RASA2: variants seen among roughly 807,000 people sequenced by gnomAD.
The protein encoded by RASA2 is ras GTPase-activating protein 2.
RASA2 carries 155 observed loss-of-function variants against 118.2 expected under a neutral mutation model. The ratio of observed to expected loss-of-function variants is 1.31; its 90% confidence interval spans 1.15 to 1.50. RASA2 has a LOEUF of 1.50. Ranked by LOEUF, RASA2 falls within the 40% of genes most tolerant of loss-of-function variation. The pLI, the probability that RASA2 is intolerant of heterozygous loss-of-function variation, is 0.00. For missense variants in RASA2, 1,016 were observed against 1,009.6 expected, an observed-to-expected ratio of 1.01 and a Z score of -0.09; for synonymous variants, 353 against 349.1, an observed-to-expected ratio of 1.01 and a Z score of -0.12.
chr3:141,609,395 C>T, intron 21 of RASA2, 25 bp from the exon 22 acceptor site: 1 of 1,387,258 alleles, frequency 7.2e-7, no homozygotes, highest in Non-Finnish European at 9.8e-7. Flanking sequence ...TGTATAATAT[C>T]TTTATTTTTT....
At chr3:141,550,142 C>A (rs1237602176) in intron 5 of RASA2, among the ~76,000 whole-genome samples, 1 of 151,982 alleles carries the variant, frequency 6.6e-6, no homozygotes, top group Non-Finnish European at 1.5e-5. Flanking sequence ...GGGGACAATT[C>A]AAAAAATCAT....
chr3:141,609,467 C>G lies in RASA2; in HGVS notation c.2273C>G (p.Thr758Arg), dbSNP rs1560068253. Residue 758 changes from threonine to arginine, a missense_variant, in exon 22 of 24, where the codon ACA (threonine) becomes AGA (arginine). By Grantham distance (71) the Thr-to-Arg change is moderately conservative. Transcript: ENST00000286364. The stretch of plus-strand genomic sequence containing the variant: ...ATAGATATTGATGAAGACAGAGAAA[C>G]AGAAAGAATTTATTCCCTTTTTACC... ...IQIDIDEDRE[T>R]ERIYSLFTLS... The G allele has an allele frequency of 6.2e-7, 1 of 1,605,290 alleles. No individual in the cohort carries two copies.
chr3:141,594,896 A>G (rs1173463338), intron 19 of RASA2, among the ~76,000 whole-genome samples: 1 of 151,898 alleles, frequency 6.6e-6, no homozygotes, highest in Middle Eastern at 3.2e-3. Flanking sequence ...CCATTTCTTT[A>G]AAAAGCAACT....
At chr3:141,507,548 A>G (rs1420323221) in intron 1 of RASA2, among the ~76,000 whole-genome samples, 2 of 152,196 alleles carry the variant, frequency 1.3e-5, no homozygotes. Context: ...TGCCATGATC[A>G]GGAGTCTACT....
intron 2 of RASA2, 91 bp from the exon 3 acceptor site, chr3:141,516,233 ATTAT>A (rs1189569252): frequency 3.9e-5 from 32 of 825,254 alleles, no homozygotes; most frequent in African/African-American, 3.3e-4. Flanking sequence ...AGAAAGTGAT[ATTAT>A]TTGAGTATTT....
chr3:141,606,278 T>A (rs542879021), intron 19 of RASA2, among the ~76,000 whole-genome samples: 51 of 152,254 alleles, frequency 3.3e-4, no homozygotes, highest in African/African-American at 1.2e-3. Context: ...ATAAATATAA[T>A]CTCGTCTGAT....
At chr3:141,591,834 T>C (rs1257668769) in intron 19 of RASA2, among the ~76,000 whole-genome samples, 1 of 151,946 alleles carries the variant, frequency 6.6e-6, no homozygotes, top group Non-Finnish European at 1.5e-5. Context: ...TACACTGAAG[T>C]TGACACGGTT....
intron 5 of RASA2, among the ~76,000 whole-genome samples, chr3:141,547,089 T>A (rs575918626): frequency 1.3e-4 from 20 of 152,352 alleles, no homozygotes; most frequent in African/African-American, 4.8e-4. Context: ...AATGCTGTTT[T>A]GATTATTATA....
At chr3:141,531,543 A>T (rs2082260916) in intron 4 of RASA2, among the ~76,000 whole-genome samples, 1 of 151,870 alleles carries the variant, frequency 6.6e-6, no homozygotes, top group African/African-American at 2.4e-5. Flanking sequence ...ATATACATAT[A>T]TATGCATATA....
intron 19 of RASA2, chr3:141,600,361 G>T (rs2083444199): frequency 2.0e-6 from 1 of 507,822 alleles, no homozygotes; most frequent in South Asian, 1.5e-5. Context: ...CATGATGAGG[G>T]TTCTTGTCGG....
intron 4 of RASA2, among the ~76,000 whole-genome samples, chr3:141,533,081 C>T (rs544807145): frequency 6.6e-6 from 1 of 152,266 alleles, no homozygotes. Flanking sequence ...TGTAAATCTA[C>T]TCCAGTCTCT....
chr3:141,612,272 T>G lies in RASA2; in HGVS notation c.2520-11T>G, dbSNP rs749835963. 1 of 1,576,614 alleles carries G rather than the reference T, an allele frequency of 6.3e-7. No homozygotes were observed. The highest frequency in any genetic ancestry group is 1.7e-5 in the Admixed American group (1 of 57,836). On this transcript the variant is annotated splice_polypyrimidine_tract_variant and intron_variant, in intron 23 of 23. Transcript: ENST00000286364. ...CTTAAATTTTGAAAAATGACTTTTT[T>G]TCTTCTCTAGGGAAAATCCAATTGT...
intron 5 of RASA2, among the ~76,000 whole-genome samples, chr3:141,551,453 G>A (rs910814223): frequency 4.6e-5 from 7 of 152,038 alleles, no homozygotes; most frequent in African/African-American, 1.2e-4. Context: ...ATATATACAC[G>A]TATCAATACT....
chr3:141,535,618 G>C (rs1352989618), intron 4 of RASA2, among the ~76,000 whole-genome samples: 2 of 152,136 alleles, frequency 1.3e-5, no homozygotes, highest in Non-Finnish European at 2.9e-5. Context: ...GTATGGTGCT[G>C]GCATCTGCTT....
At chr3:141,526,157 C>T (rs2082181689) in intron 3 of RASA2, 1 of 152,120 alleles carries the variant, frequency 6.6e-6, no homozygotes, top group Non-Finnish European at 1.5e-5. Context: ...CCTCTACCTC[C>T]AAGATTGTTA....
intron 19 of RASA2, among the ~76,000 whole-genome samples, chr3:141,595,771 G>C (rs941612265): frequency 6.6e-6 from 1 of 152,034 alleles, no homozygotes; most frequent in East Asian, 1.9e-4. Context: ...TGGGACCACA[G>C]GTGGACGCCA....
intron 1 of RASA2, among the ~76,000 whole-genome samples, chr3:141,510,561 A>G (rs749626781): frequency 2.0e-5 from 3 of 152,274 alleles, no homozygotes; most frequent in Admixed American, 6.5e-5. Context: ...CATCAGTGCT[A>G]TCAAAGAAAC....
intron 3 of RASA2, among the ~76,000 whole-genome samples, chr3:141,516,917 G>A (rs2082036301): frequency 6.6e-6 from 1 of 152,088 alleles, no homozygotes; most frequent in Non-Finnish European, 1.5e-5. Context: ...GGGATTACAG[G>A]CGTGTGCCAC....
chr3:141,601,746 T>A (rs1276969194), intron 19 of RASA2, among the ~76,000 whole-genome samples: 1 of 152,190 alleles, frequency 6.6e-6, no homozygotes, highest in Non-Finnish European at 1.5e-5. Context: ...TTCACCAAAT[T>A]TGGGACTTTT....
Sources: allele counts gnomAD v4.1 joint callset (sites outside exome capture counted in the v4.1 genomes callset), GRCh38; gene constraint gnomAD v4.1.1; transcripts MANE v1.5; gene names NCBI Gene and HGNC (gene_info 2026-07-23, HGNC 2026-07-21).